The following SORCS2 variants were observed in gnomAD, a reference collection of about 807,000 sequenced individuals.
The protein encoded by SORCS2 is VPS10 domain-containing receptor SorCS2.
A neutral mutation model predicts 141.6 loss-of-function variants in SORCS2; 100 were observed. That is an observed-to-expected ratio of 0.71 (90% CI 0.60 to 0.83). The LOEUF is 0.83. SORCS2 is among the 40% of genes least tolerant of loss of function. SORCS2 has a pLI of 0.00. For synonymous variants in SORCS2, 789 were observed against 676.9 expected (o/e 1.17, Z -2.57); for missense variants, 1,646 against 1,560.2 (o/e 1.05, Z -0.93).
Position 7,613,866 on chromosome 4 carries a change from CCATTCACCATCCATT to C in SORCS2, c.649-24447_649-24433del, listed in dbSNP as rs563786698. ...ACTCATCCGCCATCTACCCATATAC[CCATTCACCATCCATT>C]CATTCACCATCCATCTATCCACCTA... is the stretch of plus-strand genomic sequence containing the variant. On this transcript the variant is annotated intron_variant, in intron 3 of 26. Coordinates refer to ENST00000507866, the MANE Select transcript of SORCS2 (RefSeq NM_020777.3). 1.4e-4 allele frequency among the ~76,000 whole-genome samples: 21 copies of C among 152,168 alleles called. No individual in the cohort carries two copies. In the East Asian group the frequency reaches 4.1e-3, roughly 29 times the overall value.
At chr4:7,380,168 C>T (rs2109066095) in intron 1 of SORCS2, among the ~76,000 whole-genome samples, 1 of 152,286 alleles carries the variant, frequency 6.6e-6, no homozygotes, top group African/African-American at 2.4e-5. Flanking sequence ...CGTGCTCAGC[C>T]CCAGCCTGGG....
chr4:7,436,757 C>A lies in SORCS2; in HGVS notation c.548+40402C>A, dbSNP rs565679457. Among the ~76,000 whole-genome samples the A allele has an allele frequency of 2.8e-4, 42 of 152,320 alleles. 1 individual carries two copies. In the South Asian group the frequency reaches 7.7e-3, roughly 28 times the overall value. On this transcript the variant is annotated intron_variant, in intron 2 of 26. Transcript: ENST00000507866. ...CACCATGGTGGATTTGTCTACTCGA[C>A]CCTTGATGGGCCTTTGGAACAATTC...
At chr4:7,401,935 T>G (rs1724620503) in intron 2 of SORCS2, among the ~76,000 whole-genome samples, 1 of 152,212 alleles carries the variant, frequency 6.6e-6, no homozygotes. Flanking sequence ...TCCTGAAAAG[T>G]ACCTACCATG....
chr4:7,212,990 C>T (rs1037399550), intron 1 of SORCS2, among the ~76,000 whole-genome samples: 2 of 152,248 alleles, frequency 1.3e-5, no homozygotes, highest in East Asian at 3.9e-4. Context: ...CCACCTTGTG[C>T]TGCCCGGGTC....
chr4:7,339,125 A>C lies in SORCS2; in HGVS notation c.481-57163A>C, dbSNP rs554445386. 4.6e-5 allele frequency among the ~76,000 whole-genome samples: 7 copies of C among 152,284 alleles called. No homozygotes were observed. In the East Asian group the frequency reaches 1.2e-3, roughly 25 times the overall value. ...GCCTGGATGTGAACTGTGGCCCGTGAGGGTGGGGACAGGAGGGCTGCTTTC... is the reference window on the plus strand; with the variant it reads ...GCCTGGATGTGAACTGTGGCCCGTGCGGGTGGGGACAGGAGGGCTGCTTTC... On this transcript the variant is annotated intron_variant, in intron 1 of 26. Coordinates refer to ENST00000507866, the MANE Select transcript of SORCS2 (RefSeq NM_020777.3).
At chr4:7,724,138 G>C (rs1726814088) in intron 19 of SORCS2, among the ~76,000 whole-genome samples, 1 of 143,142 alleles carries the variant, frequency 7.0e-6, no homozygotes, top group Admixed American at 7.0e-5. Flanking sequence ...TGGTGGTGGT[G>C]GTGATGGTCG....
At chr4:7,382,988 T>A (rs1258929603) in intron 1 of SORCS2, among the ~76,000 whole-genome samples, 7 of 152,152 alleles carry the variant, frequency 4.6e-5, no homozygotes, top group Non-Finnish European at 7.3e-5. Context: ...TGCTATTTTT[T>A]AAATACCAAC....
intron 3 of SORCS2, among the ~76,000 whole-genome samples, chr4:7,560,544 G>A (rs1183448562): frequency 6.6e-6 from 1 of 152,154 alleles, no homozygotes; most frequent in Non-Finnish European, 1.5e-5. Flanking sequence ...CTCGTAGGGT[G>A]TCTGAGACTG....
intron 18 of SORCS2, among the ~76,000 whole-genome samples, chr4:7,722,659 G>C (rs915676960): frequency 6.6e-6 from 1 of 152,166 alleles, no homozygotes; most frequent in Non-Finnish European, 1.5e-5. Context: ...CCCTAATCCA[G>C]TATGACCTCA....
chr4:7,376,345 G>C (rs1722655060), intron 1 of SORCS2, among the ~76,000 whole-genome samples: 1 of 152,072 alleles, frequency 6.6e-6, no homozygotes, highest in African/African-American at 2.4e-5. Context: ...GGGAAGCCAA[G>C]GCTGGTGGAT....
chr4:7,218,676 T>A (rs1728518746), intron 1 of SORCS2, among the ~76,000 whole-genome samples: 1 of 152,208 alleles, frequency 6.6e-6, no homozygotes, highest in Admixed American at 6.5e-5. Flanking sequence ...CCAGACTACA[T>A]GTGTGTTTTC....
chr4:7,424,102 C>T (rs2109199248), intron 2 of SORCS2, among the ~76,000 whole-genome samples: 1 of 152,268 alleles, frequency 6.6e-6, no homozygotes, highest in East Asian at 1.9e-4. Context: ...GGACCTTGGT[C>T]CCTGGCCTGT....
chr4:7,611,993 G>A (rs1379328118), intron 3 of SORCS2, among the ~76,000 whole-genome samples: 1 of 152,250 alleles, frequency 6.6e-6, no homozygotes, highest in African/African-American at 2.4e-5. Flanking sequence ...CTCTGCCGTG[G>A]GTTCCGGTTT....
chr4:7,486,933 AGAAACTCT>A (rs1240342771), intron 2 of SORCS2, among the ~76,000 whole-genome samples: 4 of 152,250 alleles, frequency 2.6e-5, no homozygotes, highest in African/African-American at 9.6e-5. Flanking sequence ...GGTCACATTC[AGAAACTCT>A]GATTGGGATG....
At chr4:7,440,125 T>G (rs4425375) in intron 2 of SORCS2, among the ~76,000 whole-genome samples, 31,584 of 152,114 alleles carry the variant, frequency 0.21, 3,434 homozygotes, top group East Asian at 0.33. Context: ...TAAACCCCAT[T>G]TGTTTCAAAA....
intron 2 of SORCS2, among the ~76,000 whole-genome samples, chr4:7,476,444 G>A (rs953131663): frequency 2.6e-5 from 4 of 152,124 alleles, no homozygotes; most frequent in African/African-American, 7.2e-5. Context: ...CAATGGATTG[G>A]ATAAGGCCTC....
At chr4:7,204,514 G>A (rs1727631694) in intron 1 of SORCS2, among the ~76,000 whole-genome samples, 1 of 152,160 alleles carries the variant, frequency 6.6e-6, no homozygotes, top group Admixed American at 6.5e-5. Context: ...CACCATGCCT[G>A]GCTTATGTTA....
intron 2 of SORCS2, among the ~76,000 whole-genome samples, chr4:7,408,365 C>A (rs1172674521): frequency 1.3e-5 from 2 of 149,894 alleles, no homozygotes; most frequent in African/African-American, 4.9e-5. Context: ...ACTTTGCTGG[C>A]TATAGTATTC....
chr4:7,592,160 A>G (rs1716963404), intron 3 of SORCS2, among the ~76,000 whole-genome samples: 1 of 152,076 alleles, frequency 6.6e-6, no homozygotes, highest in Non-Finnish European at 1.5e-5. Context: ...ATTTTATTCA[A>G]GTCTCTGTTG....
Sources: gnomAD v4.1 joint callset for allele counts (sites outside exome capture counted in the v4.1 genomes callset) on GRCh38, gnomAD v4.1.1 for gene constraint, MANE v1.5 for transcripts, NCBI Gene and HGNC (gene_info 2026-07-23, HGNC 2026-07-21) for gene names.